The following CDH13 variants were observed in gnomAD, a reference collection of about 807,000 sequenced individuals.
The protein encoded by CDH13 is cadherin-13.
CDH13 carries 24 observed loss-of-function variants against 63.8 expected under a neutral mutation model. The observed-to-expected ratio is 0.38, with a 90% CI of 0.27 to 0.53. The LOEUF (loss-of-function observed/expected upper bound fraction) is 0.53, where lower values mean the gene tolerates loss of function less well. Among genes scored for constraint, CDH13 ranks in the 20% least tolerant of loss-of-function variants. The pLI is 0.85. For synonymous variants in CDH13, 503 were observed against 355.3 expected (o/e 1.42, Z -4.67); for missense variants, 1,049 against 903.1 (o/e 1.16, Z -2.07).
intron 4 of CDH13, among the ~76,000 whole-genome samples, chr16:83,161,060 C>T (rs954604688): frequency 1.3e-5 from 2 of 152,166 alleles, no homozygotes; most frequent in Non-Finnish European, 2.9e-5. Context: ...ATCAGCATGC[C>T]TGGTGTTCTT....
chr16:82,694,960 G>A (rs529286879), intron 1 of CDH13, among the ~76,000 whole-genome samples: 75 of 152,292 alleles, frequency 4.9e-4, no homozygotes, highest in Non-Finnish European at 8.8e-4. Context: ...TGACCATGGA[G>A]CTAAGATTTG....
chr16:82,716,218 T>C (rs2032361769), intron 1 of CDH13, among the ~76,000 whole-genome samples: 1 of 152,112 alleles, frequency 6.6e-6, no homozygotes, highest in South Asian at 2.1e-4. Flanking sequence ...GTCCTCTGCT[T>C]CCTGCCTTTA....
chr16:83,430,025 C>T (rs144770824), intron 6 of CDH13, among the ~76,000 whole-genome samples: 2 of 152,304 alleles, frequency 1.3e-5, no homozygotes, highest in African/African-American at 4.8e-5. Flanking sequence ...GGTACCTCAT[C>T]TAAGTTGATC....
chr16:83,145,895 A>C (rs2036725705), intron 4 of CDH13, among the ~76,000 whole-genome samples: 1 of 152,150 alleles, frequency 6.6e-6, no homozygotes, highest in Non-Finnish European at 1.5e-5. Flanking sequence ...TCTAAGGATG[A>C]AAAGAAGCCA....
chr16:83,402,871 G>A (rs376863740), intron 6 of CDH13, among the ~76,000 whole-genome samples: 8 of 152,048 alleles, frequency 5.3e-5, no homozygotes, highest in East Asian at 3.9e-4. Context: ...ACTTAGATAC[G>A]TCCCCTTCTC....
chr16:82,678,776 AGT>A (rs1260052803), intron 1 of CDH13, among the ~76,000 whole-genome samples: 1 of 152,152 alleles, frequency 6.6e-6, no homozygotes, highest in African/African-American at 2.4e-5. Flanking sequence ...TTCCTGAAAA[AGT>A]GTGGGAAGTT....
intron 8 of CDH13, among the ~76,000 whole-genome samples, chr16:83,628,221 C>T (rs1411744648): frequency 6.6e-6 from 1 of 152,184 alleles, no homozygotes; most frequent in Admixed American, 6.5e-5. Flanking sequence ...AGCCCCTGTT[C>T]AAGATGGTGT....
intron 3 of CDH13, among the ~76,000 whole-genome samples, chr16:83,121,962 TCA>T (rs10665608): frequency 0.045 from 6,603 of 147,434 alleles, 315 homozygotes; most frequent in African/African-American, 0.12. Context: ...TTTAAAACTG[TCA>T]CACACACACA....
At chr16:83,657,887 A>C (rs1328700535) in intron 8 of CDH13, among the ~76,000 whole-genome samples, 2,722 of 73,330 alleles carry the variant, frequency 0.037, no homozygotes, top group Middle Eastern at 0.085. Context: ...GTCCCATATC[A>C]TCACCACCAG....
At chr16:83,181,197 G>C (rs1328485255) in intron 4 of CDH13, 3 of 506,832 alleles carry the variant, frequency 5.9e-6, no homozygotes, top group Admixed American at 3.6e-5. Context: ...GAGGCCTCAG[G>C]CAAGTCATTT....
chr16:82,805,980 C>T (rs559429358), intron 1 of CDH13, among the ~76,000 whole-genome samples: 2 of 152,154 alleles, frequency 1.3e-5, no homozygotes, highest in Non-Finnish European at 2.9e-5. Context: ...TCTCCATAAT[C>T]CCCTAGGTTT....
intron 1 of CDH13, among the ~76,000 whole-genome samples, chr16:82,752,096 G>A (rs975312042): frequency 2.0e-5 from 3 of 152,216 alleles, no homozygotes; most frequent in South Asian, 4.1e-4. Flanking sequence ...CAAAGCAGCA[G>A]CATGGGAAAC....
intron 1 of CDH13, among the ~76,000 whole-genome samples, chr16:82,807,858 C>G (rs1046780442): frequency 1.3e-5 from 2 of 152,174 alleles, no homozygotes; most frequent in Admixed American, 6.5e-5. Context: ...TTTATTTAGG[C>G]TCTTCCATAC....
At chr16:82,827,904 T>G (rs1396656890) in intron 1 of CDH13, among the ~76,000 whole-genome samples, 2 of 151,974 alleles carry the variant, frequency 1.3e-5, no homozygotes, top group East Asian at 3.9e-4. Context: ...ACTAATGGAG[T>G]TAGAATACTC....
chr16:83,056,902 A>G (rs975556880), intron 3 of CDH13, among the ~76,000 whole-genome samples: 1 of 152,094 alleles, frequency 6.6e-6, no homozygotes, highest in African/African-American at 2.4e-5. Flanking sequence ...ACCTTCTGCC[A>G]TGATTGTGAG....
At chr16:83,076,277 A>G (rs962509790) in intron 3 of CDH13, among the ~76,000 whole-genome samples, 2 of 152,180 alleles carry the variant, frequency 1.3e-5, no homozygotes, top group Non-Finnish European at 2.9e-5. Flanking sequence ...TGTTCCATGT[A>G]AAACTAGGAA....
rs777252024 is a variant in CDH13 at position 83,670,804 on chromosome 16, C to T, written c.1116C>T (p.Val372=). The part of the protein sequence containing the change: ...KFTKKEFQAT[V]EEGAVGVIVN... ...TTTGTTTGCAGTTTCAAGCCACAGT[C>T]GAGGAAGGAGCTGTGGGAGTTATTG... The change falls in exon 9 of 14, where the codon GTC becomes GTT. Residue 372 remains valine (V), a synonymous_variant. Transcript: ENST00000567109. The T allele has an allele frequency of 8.1e-5, 130 of 1,613,704 alleles. No homozygotes were observed. Among genetic ancestry groups the T allele is most frequent in the East Asian group, 1.3e-4 (6 of 44,884 alleles).
At chr16:83,247,316 T>G (rs1905076282) in intron 5 of CDH13, among the ~76,000 whole-genome samples, 1 of 152,264 alleles carries the variant, frequency 6.6e-6, no homozygotes, top group Non-Finnish European at 1.5e-5. Context: ...TTGGGGAGAA[T>G]AAGCTTCCAG....
At chr16:82,863,608 A>T (rs565464086) in intron 2 of CDH13, among the ~76,000 whole-genome samples, 8 of 152,206 alleles carry the variant, frequency 5.3e-5, no homozygotes, top group Admixed American at 1.3e-4. Context: ...ACTGATGGGA[A>T]ACATGCTTAG....
Sources: gnomAD v4.1 joint callset for allele counts (sites outside exome capture counted in the v4.1 genomes callset) on GRCh38, gnomAD v4.1.1 for gene constraint, MANE v1.5 for transcripts, NCBI Gene and HGNC (gene_info 2026-07-23, HGNC 2026-07-21) for gene names.